The following WWOX variants were observed in gnomAD, a reference collection of about 807,000 sequenced individuals.
The protein encoded by WWOX is WW domain containing oxidoreductase.
Under a neutral mutation model 46.2 loss-of-function variants are expected in WWOX, and 69 were observed. The observed-to-expected ratio is 1.49, with a 90% CI of 1.23 to 1.82. The LOEUF (loss-of-function observed/expected upper bound fraction) is 1.82. Among genes scored for constraint, WWOX ranks in the 40% most tolerant of loss-of-function variants. The pLI is 0.00. For synonymous variants in WWOX, 359 were observed against 202.6 expected (o/e 1.77, Z -6.56); for missense variants, 919 against 542.6 (o/e 1.69, Z -6.89).
intron 8 of WWOX, among the ~76,000 whole-genome samples, chr16:78,508,450 A>G (rs1428626146): frequency 6.6e-6 from 1 of 151,808 alleles, no homozygotes; most frequent in Admixed American, 6.6e-5. Flanking sequence ...GTAAACAAAA[A>G]CAACACAGCC....
At chr16:78,682,184 G>A (rs182543625) in intron 8 of WWOX, among the ~76,000 whole-genome samples, 5 of 152,098 alleles carry the variant, frequency 3.3e-5, no homozygotes, top group African/African-American at 1.2e-4. Flanking sequence ...TACAAATCAG[G>A]ATCTGCTACA....
At chr16:78,884,719 T>C (rs1199693350) in intron 8 of WWOX, among the ~76,000 whole-genome samples, 1 of 152,238 alleles carries the variant, frequency 6.6e-6, no homozygotes, top group Admixed American at 6.5e-5. Context: ...TAATGTTCTG[T>C]TGCTTGTTCA....
intron 8 of WWOX, among the ~76,000 whole-genome samples, chr16:78,805,293 C>T (rs2142677092): frequency 6.6e-6 from 1 of 152,304 alleles, no homozygotes; most frequent in East Asian, 1.9e-4. Flanking sequence ...CACCCTGTCG[C>T]CCAGGCTCGA....
chr16:78,357,932 A>G (rs1196870709), intron 5 of WWOX, among the ~76,000 whole-genome samples: 3 of 152,168 alleles, frequency 2.0e-5, no homozygotes, highest in Non-Finnish European at 2.9e-5. Context: ...GGACGCATTG[A>G]GTAGGAGAAG....
chr16:79,100,555 C>T (rs945881598), intron 8 of WWOX, among the ~76,000 whole-genome samples: 5 of 152,156 alleles, frequency 3.3e-5, no homozygotes, highest in African/African-American at 1.2e-4. Context: ...GCTTTGATGG[C>T]TCTGCACAGA....
intron 8 of WWOX, among the ~76,000 whole-genome samples, chr16:78,833,846 G>A (rs1243073867): frequency 6.6e-6 from 1 of 152,384 alleles, no homozygotes; most frequent in African/African-American, 2.4e-5. Flanking sequence ...GCCAAGGTTT[G>A]CTGGCTCATG....
In WWOX at chr16:78,787,899, A is replaced by T. The variant is rs578020598; in HGVS notation, c.1056+355147A>T. Among the ~76,000 whole-genome samples the T allele has an allele frequency of 2.2e-4, 33 of 152,292 alleles. 1 individual carries two copies. The South Asian group carries it at 6.4e-3, about 30-fold the overall frequency. On this transcript the variant is annotated intron_variant, in intron 8 of 8. Transcript: ENST00000566780. ...ATTTGCATTTCCCTCATGATTAATG[A>T]TGTTGAGTATTTTTATGTGGTTATT...
At chr16:78,296,862 C>T (rs1597453634) in intron 5 of WWOX, among the ~76,000 whole-genome samples, 1 of 152,164 alleles carries the variant, frequency 6.6e-6, no homozygotes, top group Non-Finnish European at 1.5e-5. Context: ...TTGTACATGG[C>T]AACCAAATAA....
intron 8 of WWOX, among the ~76,000 whole-genome samples, chr16:79,126,789 C>T (rs1026838271): frequency 7.2e-5 from 11 of 152,204 alleles, no homozygotes; most frequent in African/African-American, 1.4e-4. Flanking sequence ...TAAATTTAGA[C>T]TCCATGCAGA....
intron 8 of WWOX, among the ~76,000 whole-genome samples, chr16:78,871,926 T>C (rs1350906936): frequency 6.6e-6 from 1 of 152,162 alleles, no homozygotes; most frequent in Non-Finnish European, 1.5e-5. Flanking sequence ...TTCTGGCCCC[T>C]CAACCTGTTT....
At chr16:79,140,793 C>G (rs1210079892) in intron 8 of WWOX, among the ~76,000 whole-genome samples, 2 of 152,150 alleles carry the variant, frequency 1.3e-5, no homozygotes, top group Non-Finnish European at 2.9e-5. Context: ...TTTCATCAAG[C>G]TGACGTTTAT....
chr16:78,706,967 C>G (rs1481249888), intron 8 of WWOX, among the ~76,000 whole-genome samples: 39 of 152,162 alleles, frequency 2.6e-4, no homozygotes, highest in Non-Finnish European at 7.3e-5. Context: ...CTGGCACAAA[C>G]TGCCTTTGGA....
At chr16:78,305,282 T>G (rs61408858) in intron 5 of WWOX, among the ~76,000 whole-genome samples, 33,238 of 152,024 alleles carry the variant, frequency 0.22, 4,182 homozygotes, top group South Asian at 0.41. Context: ...GCTGTGATGA[T>G]CCTCCCTTGC....
rs1001598782 is a variant in WWOX at position 78,821,554 on chromosome 16, A to G, written c.1056+388802A>G. On this transcript the variant is annotated intron_variant, in intron 8 of 8. Coordinates refer to ENST00000566780, the MANE Select transcript of WWOX (RefSeq NM_016373.4). ...TTCCTAGGAAGTTCACCCATTCCCAACAGTGTCCCAGGGTCAAGCTCAGAT... is the reference window on the plus strand; with the variant it reads ...TTCCTAGGAAGTTCACCCATTCCCAGCAGTGTCCCAGGGTCAAGCTCAGAT... 1.4e-4 allele frequency among the ~76,000 whole-genome samples: 22 copies of G among 152,192 alleles called. 1 individual carries two copies. The highest frequency in any genetic ancestry group is 3.2e-4 in the Non-Finnish European group (22 of 68,040).
In WWOX at chr16:78,982,614, C is replaced by T. The variant is rs891701053; in HGVS notation, c.1057-228994C>T. Among the ~76,000 whole-genome samples the T allele has an allele frequency of 5.9e-5, 9 of 152,092 alleles. No homozygotes were observed. In the East Asian group the frequency reaches 9.6e-4, roughly 16 times the overall value. On this transcript the variant is annotated intron_variant, in intron 8 of 8. Transcript: ENST00000566780. ...TATTGTATGCTCTATGGCTTCTTGA[C>T]AGGAGCAGGCAGAGAAGGAGGGAAG...
In WWOX at chr16:78,780,090, G is replaced by C. The variant is rs946475513; in HGVS notation, c.1056+347338G>C. 3.3e-5 allele frequency among the ~76,000 whole-genome samples: 5 copies of C among 152,266 alleles called. No individual in the cohort carries two copies. In the East Asian group the frequency reaches 9.6e-4, roughly 29 times the overall value. ...GAAATAAATTAATGGTGTGGCCATG[G>C]TTCTCGTACTTCAGGTCCCTGTGAG... On this transcript the variant is annotated intron_variant, in intron 8 of 8. Transcript: ENST00000566780.
chr16:78,932,914 A>G (rs866802488), intron 8 of WWOX, among the ~76,000 whole-genome samples: 2 of 152,150 alleles, frequency 1.3e-5, no homozygotes, highest in Non-Finnish European at 2.9e-5. Flanking sequence ...TTAGGAGGAG[A>G]ACATAGTCCA....
chr16:78,926,002 C>T (rs1356848870), intron 8 of WWOX, among the ~76,000 whole-genome samples: 3 of 152,116 alleles, frequency 2.0e-5, no homozygotes. Flanking sequence ...GTGGGGAGAG[C>T]TAAGTGTAAA....
intron 8 of WWOX, among the ~76,000 whole-genome samples, chr16:79,148,104 T>C (rs2050213028): frequency 6.6e-6 from 1 of 152,242 alleles, no homozygotes; most frequent in Admixed American, 6.5e-5. Context: ...CAATTTTTCC[T>C]TTCATCAACT....
Sources: allele counts gnomAD v4.1 joint callset (sites outside exome capture counted in the v4.1 genomes callset), GRCh38; gene constraint gnomAD v4.1.1; transcripts MANE v1.5; gene names NCBI Gene and HGNC (gene_info 2026-07-23, HGNC 2026-07-21).